Variants in SPAG17 observed in about 807,000 individuals in gnomAD.
SPAG17 encodes the protein sperm associated antigen 17.
A neutral mutation model predicts 273.6 loss-of-function variants in SPAG17; 169 were observed. The ratio of observed to expected loss-of-function variants is 0.62; its 90% CI spans 0.55 to 0.70. The LOEUF is 0.70. Ranked by LOEUF, SPAG17 falls within the 30% of genes least tolerant of loss-of-function variation. SPAG17 has a pLI of 0.00. For missense variants in SPAG17, 2,557 were observed against 2,627.8 expected (o/e 0.97, Z 0.59); for synonymous variants, 825 against 873.2 (o/e 0.94, Z 0.97).
At chr1:118,182,889 T>C (rs1310836702) in intron 1 of SPAG17, among the ~76,000 whole-genome samples, 1 of 152,242 alleles carries the variant, frequency 6.6e-6, no homozygotes, top group Non-Finnish European at 1.5e-5. Context: ...TGCTTAGTGA[T>C]AGAATGCTTT....
At chr1:117,954,104 TA>T in intron 48 of SPAG17, 55 bp from the exon 49 acceptor site, 1 of 1,608,930 alleles carries the variant, frequency 6.2e-7, no homozygotes, top group Non-Finnish European at 8.5e-7. Context: ...AAAGAGGTAA[TA>T]AGAGAGTACA....
At chr1:118,150,026 G>A (rs1659283884) in intron 3 of SPAG17, among the ~76,000 whole-genome samples, 1 of 152,142 alleles carries the variant, frequency 6.6e-6, no homozygotes, top group African/African-American at 2.4e-5. Context: ...AATCCGAAGA[G>A]TATCATTATT....
At chr1:118,039,499 C>T in intron 22 of SPAG17, 55 bp from the exon 23 acceptor site, 1 of 1,558,880 alleles carries the variant, frequency 6.4e-7, no homozygotes, top group Non-Finnish European at 8.8e-7. Flanking sequence ...ACATTAAGCT[C>T]CTCGACAAGA....
intron 32 of SPAG17, among the ~76,000 whole-genome samples, chr1:118,001,709 C>G (rs1658304382): frequency 6.6e-6 from 1 of 152,168 alleles, no homozygotes; most frequent in Admixed American, 6.5e-5. Flanking sequence ...ATTCTTCTCT[C>G]TTTTCTGCTT....
chr1:118,062,287 A>G (rs909555954), intron 18 of SPAG17, among the ~76,000 whole-genome samples: 1 of 140,566 alleles, frequency 7.1e-6, no homozygotes, highest in Non-Finnish European at 1.5e-5. Context: ...GAATGGCACG[A>G]ACCCGGGAGG....
chr1:118,031,917 T>C, intron 24 of SPAG17, 50 bp from the exon 25 acceptor site: 2 of 1,422,970 alleles, frequency 1.4e-6, no homozygotes, highest in East Asian at 4.6e-5. Context: ...TCATATTTGA[T>C]ATCCTTGTGA....
chr1:118,102,069 A>C, intron 4 of SPAG17, 143 bp from the exon 5 acceptor site: 1 of 730,396 alleles, frequency 1.4e-6, no homozygotes, highest in Non-Finnish European at 2.2e-6. Context: ...AAGTCAGCAT[A>C]GTGGAGATTC....
At position 117,978,695 on chromosome 1, in the gene SPAG17, C is replaced by T. The variant is rs185340107; in HGVS notation, c.6004+2575G>A. 7.6e-4 allele frequency among the ~76,000 whole-genome samples: 115 copies of T among 152,272 alleles called. 3 individuals carry two copies. The highest frequency in any genetic ancestry group is 6.2e-4 in the South Asian group (3 of 4,822). Reference sequence around the variant, plus strand: ...CTTAGGCTTCAATCCCCTCCATGCTCTGAAACTGCCCTTGTTAAGTTCACC... The same window carrying T: ...CTTAGGCTTCAATCCCCTCCATGCTTTGAAACTGCCCTTGTTAAGTTCACC... On this transcript the variant is annotated intron_variant, in intron 43 of 48. Coordinates refer to ENST00000336338, the MANE Select transcript of SPAG17 (RefSeq NM_206996.4).
At chr1:118,019,867 C>A (rs757558159) in intron 28 of SPAG17, among the ~76,000 whole-genome samples, 130 of 152,272 alleles carry the variant, frequency 8.5e-4, no homozygotes, top group Non-Finnish European at 4.1e-4. Flanking sequence ...GTGAAATTAT[C>A]TTTCAAGAAT....
intron 3 of SPAG17, among the ~76,000 whole-genome samples, chr1:118,122,145 CTG>C (rs1430838124): frequency 1.6e-5 from 2 of 122,170 alleles, no homozygotes; most frequent in African/African-American, 6.9e-5. Context: ...CAATGTGTGT[CTG>C]TGTGTCTGTG....
At position 118,097,787 on chromosome 1, in the gene SPAG17, G is replaced by A. The variant is rs1655811322; in HGVS notation, c.894C>T (p.Tyr298=). The A allele has an allele frequency of 6.2e-7, 1 of 1,607,654 alleles. No individual in the cohort carries two copies. The highest frequency in any genetic ancestry group is 1.3e-5 in the African/African-American group (1 of 74,548). ...AIKELKTFWK[Y]LEPVLNNEKP... ...TCTCATTATTCAGGACTGGTTCCAA[G>A]TACTTCCAGAAAGTTTTAAGCTCTT... is the stretch of plus-strand genomic sequence containing the variant. Residue 298 remains tyrosine (Y), a synonymous_variant, in exon 7 of 49, where the codon TAC becomes TAT. Transcript: ENST00000336338.
intron 23 of SPAG17, 112 bp from the exon 24 acceptor site, chr1:118,036,995 T>C: frequency 4.1e-6 from 3 of 722,902 alleles, no homozygotes; most frequent in South Asian, 1.8e-5. Context: ...CACAATCAAC[T>C]TAAAAAATAA....
chr1:118,025,116 G>A (rs1647581953), intron 27 of SPAG17, 122 bp downstream of exon 27: 16 of 713,426 alleles, frequency 2.2e-5, no homozygotes, highest in Non-Finnish European at 3.6e-5. Context: ...TTTGTCATTT[G>A]AAGGTGTCAT....
At chr1:118,179,030 C>G (rs1313481142) in intron 1 of SPAG17, among the ~76,000 whole-genome samples, 1 of 151,814 alleles carries the variant, frequency 6.6e-6, no homozygotes, top group African/African-American at 2.4e-5. Context: ...CCATACTATC[C>G]AAAATAATTT....
intron 13 of SPAG17, among the ~76,000 whole-genome samples, chr1:118,085,486 T>C (rs547433670): frequency 1.3e-4 from 20 of 149,274 alleles, no homozygotes; most frequent in African/African-American, 4.1e-4. Flanking sequence ...AAGGACAGCA[T>C]TGTCCTGGAA....
At chr1:118,007,229 T>A (rs941553274) in intron 31 of SPAG17, among the ~76,000 whole-genome samples, 1 of 151,578 alleles carries the variant, frequency 6.6e-6, no homozygotes, top group Admixed American at 6.6e-5. Flanking sequence ...TGCCCCATAA[T>A]AATCTACACT....
At chr1:118,062,646 GA>G (rs1395366850) in intron 18 of SPAG17, among the ~76,000 whole-genome samples, 3 of 151,906 alleles carry the variant, frequency 2.0e-5, no homozygotes, top group African/African-American at 7.3e-5. Context: ...TAATTATAAT[GA>G]AAAACTGAAA....
At chr1:118,005,806 T>C (rs1369158688) in intron 31 of SPAG17, among the ~76,000 whole-genome samples, 1 of 152,162 alleles carries the variant, frequency 6.6e-6, no homozygotes, top group Non-Finnish European at 1.5e-5. Context: ...GGATATCATT[T>C]CTCCTGTATC....
intron 18 of SPAG17, among the ~76,000 whole-genome samples, chr1:118,065,112 TA>T (rs1261381744): frequency 6.6e-6 from 1 of 151,986 alleles, no homozygotes; most frequent in Non-Finnish European, 1.5e-5. Flanking sequence ...AATCACAGAT[TA>T]AAAATGTTAA....
Sources: gnomAD v4.1 joint callset for allele counts (sites outside exome capture counted in the v4.1 genomes callset) on GRCh38, gnomAD v4.1.1 for gene constraint, MANE v1.5 for transcripts, NCBI Gene and HGNC (gene_info 2026-07-23, HGNC 2026-07-21) for gene names.